REDIC1: variants seen among roughly 807,000 people sequenced by gnomAD.
REDIC1 encodes regulator of DNA class I crossover intermediates 1.
chr12:39,754,439 T>A, the REDIC1 span: 3 of 152,156 alleles, frequency 2.0e-5, no homozygotes, highest in African/African-American at 7.2e-5. Flanking sequence ...GTAACTCAAC[T>A]GTAAGCCTTT....
the REDIC1 span, among the ~76,000 whole-genome samples, chr12:39,672,770 G>T: frequency 6.6e-6 from 1 of 152,160 alleles, no homozygotes; most frequent in Non-Finnish European, 1.5e-5. Context: ...CCATCTAGAT[G>T]GACATGGGAA....
At chr12:39,828,325 T>G in the REDIC1 span, among the ~76,000 whole-genome samples, 1 of 152,148 alleles carries the variant, frequency 6.6e-6, no homozygotes, top group African/African-American at 2.4e-5. Context: ...CATTTTTTTT[T>G]TAGTTATTTT....
chr12:39,872,432 CA>C, the REDIC1 span, among the ~76,000 whole-genome samples: 1 of 151,946 alleles, frequency 6.6e-6, no homozygotes, highest in African/African-American at 2.4e-5. Context: ...AGGAACGCCT[CA>C]AAAAAGACAC....
chr12:39,753,603 A>G, the REDIC1 span, among the ~76,000 whole-genome samples: 2 of 152,204 alleles, frequency 1.3e-5, no homozygotes, highest in African/African-American at 4.8e-5. Flanking sequence ...ACATATGTCA[A>G]AGAAGCCAAT....
the REDIC1 span, chr12:39,716,783 C>T: frequency 6.2e-7 from 1 of 1,603,008 alleles, no homozygotes; most frequent in East Asian, 2.3e-5. Flanking sequence ...AGTAGTCGGT[C>T]TACTAGTTAC....
At chr12:39,814,553 ATG>A in the REDIC1 span, among the ~76,000 whole-genome samples, 1 of 152,306 alleles carries the variant, frequency 6.6e-6, no homozygotes, top group East Asian at 1.9e-4. Context: ...AAACTGAAGA[ATG>A]CTTTGGTAGA....
At chr12:39,826,456 T>G in the REDIC1 span, among the ~76,000 whole-genome samples, 2 of 132,662 alleles carry the variant, frequency 1.5e-5, no homozygotes, top group South Asian at 2.2e-4. Flanking sequence ...TTTTTCTGGG[T>G]TTTTTTTTTT....
the REDIC1 span, among the ~76,000 whole-genome samples, chr12:39,776,551 G>C: frequency 6.6e-6 from 1 of 152,218 alleles, no homozygotes. Flanking sequence ...CACAGAAGTT[G>C]AATGACAGAG....
chr12:39,751,171 A>AC, the REDIC1 span, among the ~76,000 whole-genome samples: 60 of 152,150 alleles, frequency 3.9e-4, no homozygotes, highest in African/African-American at 1.4e-3. Flanking sequence ...CATCTGACAA[A>AC]GGGCTAATAT....
At chr12:39,837,507 A>C in the REDIC1 span, among the ~76,000 whole-genome samples, 2 of 140,626 alleles carry the variant, frequency 1.4e-5, no homozygotes, top group East Asian at 2.1e-4. Flanking sequence ...AATTAAACTA[A>C]AGAGCTTCTG....
At chr12:39,794,161 C>G in the REDIC1 span, among the ~76,000 whole-genome samples, 1 of 144,688 alleles carries the variant, frequency 6.9e-6, no homozygotes, top group Non-Finnish European at 1.5e-5. Flanking sequence ...CAAAACAAAA[C>G]CTCCCTTCTG....
the REDIC1 span, chr12:39,640,806 A>G: frequency 2.0e-6 from 1 of 496,256 alleles, no homozygotes. Context: ...AAATACTTTA[A>G]GAATATTTTT....
At chr12:39,705,724 C>T in the REDIC1 span, among the ~76,000 whole-genome samples, 12 of 152,044 alleles carry the variant, frequency 7.9e-5, no homozygotes, top group African/African-American at 2.9e-4. Context: ...ATGAACATTT[C>T]AATTGATGCT....
At chr12:39,646,531 A>G in the REDIC1 span, 2 of 1,380,838 alleles carry the variant, frequency 1.4e-6, no homozygotes, top group South Asian at 2.9e-5. Context: ...TACTCACTCG[A>G]AAATGTATAA....
the REDIC1 span, among the ~76,000 whole-genome samples, chr12:39,776,221 C>A: frequency 6.6e-6 from 1 of 151,834 alleles, no homozygotes; most frequent in African/African-American, 2.4e-5. Context: ...TGTGCGGTTC[C>A]TTCATATTGA....
At chr12:39,678,385 A>T in the REDIC1 span, among the ~76,000 whole-genome samples, 1 of 152,222 alleles carries the variant, frequency 6.6e-6, no homozygotes, top group East Asian at 1.9e-4. Context: ...AGATCAAACC[A>T]GGAAGAAATA....
At chr12:39,797,308 A>G in the REDIC1 span, among the ~76,000 whole-genome samples, 52 of 152,178 alleles carry the variant, frequency 3.4e-4, no homozygotes, top group Non-Finnish European at 1.8e-4. Flanking sequence ...AAATGCTAAC[A>G]TTTTCAGCAT....
At chr12:39,657,600 C>T in the REDIC1 span, among the ~76,000 whole-genome samples, 1 of 152,066 alleles carries the variant, frequency 6.6e-6, no homozygotes, top group Non-Finnish European at 1.5e-5. Flanking sequence ...CTTGAGTGAG[C>T]TTTGGTAGTT....
chr12:39,781,376 C>T, the REDIC1 span, among the ~76,000 whole-genome samples: 475 of 74,050 alleles, frequency 6.4e-3, 6 homozygotes, highest in African/African-American at 0.026. Context: ...GAGGGAGCCC[C>T]GCACAGTCTG....
Sources: gnomAD v4.1 joint callset for allele counts (sites outside exome capture counted in the v4.1 genomes callset) on GRCh38, gnomAD v4.1.1 for gene constraint, MANE v1.5 for transcripts, NCBI Gene and HGNC (gene_info 2026-07-23, HGNC 2026-07-21) for gene names.